Variants in CTNND2 observed in about 807,000 individuals in gnomAD.
CTNND2 encodes the protein catenin delta-2.
Under a neutral mutation model 144.4 loss-of-function variants are expected in CTNND2, and 22 were observed. The observed-to-expected ratio is 0.15, with a 90% CI of 0.11 to 0.22. The LOEUF (loss-of-function observed/expected upper bound fraction) is 0.22. Among genes scored for constraint, CTNND2 ranks in the 10% least tolerant of loss-of-function variants. The pLI is 1.00. For synonymous variants in CTNND2, 751 were observed against 695.6 expected (o/e 1.08, Z -1.25); for missense variants, 1,353 against 1,618.8 (o/e 0.84, Z 2.82).
At chr5:11,093,787 T>C (rs745616497) in intron 15 of CTNND2, among the ~76,000 whole-genome samples, 11 of 152,240 alleles carry the variant, frequency 7.2e-5, no homozygotes, top group Non-Finnish European at 1.6e-4. Context: ...CTATATGCTG[T>C]TGTGTATCCT....
chr5:11,886,658 C>T (rs1233096932), intron 1 of CTNND2, among the ~76,000 whole-genome samples: 9 of 152,036 alleles, frequency 5.9e-5, no homozygotes, highest in African/African-American at 2.2e-4. Flanking sequence ...AATCTAGCAA[C>T]CCTAACTATG....
At chr5:11,273,991 C>T (rs955086648) in intron 9 of CTNND2, among the ~76,000 whole-genome samples, 5 of 152,066 alleles carry the variant, frequency 3.3e-5, no homozygotes, top group Non-Finnish European at 5.9e-5. Context: ...GGTATTTATG[C>T]CTTCGCTTTT....
intron 2 of CTNND2, among the ~76,000 whole-genome samples, chr5:11,654,036 G>T (rs971681723): frequency 6.6e-6 from 1 of 151,996 alleles, no homozygotes; most frequent in Non-Finnish European, 1.5e-5. Context: ...CTTTGTCAAA[G>T]ACTAGTTGAC....
chr5:11,792,018 T>A (rs1791157990), intron 1 of CTNND2, among the ~76,000 whole-genome samples: 1 of 152,220 alleles, frequency 6.6e-6, no homozygotes, highest in Non-Finnish European at 1.5e-5. Context: ...ATAGAATTAA[T>A]TGACTTGCTG....
rs560557668 is a variant in CTNND2 at position 11,748,764 on chromosome 5, G to A, written c.38-16492C>T. On this transcript the variant is annotated intron_variant, in intron 1 of 21. Coordinates refer to ENST00000304623, the MANE Select transcript of CTNND2 (RefSeq NM_001332.4). ...TTTGTTACTATCTCTGTTGGGTTGA[G>A]TTTGGGAGTATGTGATAATTTTCAA... Among the ~76,000 whole-genome samples, 16 of 152,110 alleles carry A rather than the reference G, an allele frequency of 1.1e-4. No homozygotes were observed. The South Asian group carries it at 3.3e-3, about 32-fold the overall frequency.
intron 3 of CTNND2, among the ~76,000 whole-genome samples, chr5:11,477,776 T>A (rs1767895000): frequency 6.6e-6 from 1 of 152,172 alleles, no homozygotes; most frequent in African/African-American, 2.4e-5. Context: ...ATGGTTACAA[T>A]AATCTATGAG....
intron 2 of CTNND2, among the ~76,000 whole-genome samples, chr5:11,644,111 T>C (rs1483005464): frequency 1.3e-5 from 2 of 152,134 alleles, no homozygotes; most frequent in Non-Finnish European, 2.9e-5. Context: ...ACTTTATTAC[T>C]TTTGGCTGTT....
chr5:11,350,123 C>A (rs1755177320), intron 8 of CTNND2, among the ~76,000 whole-genome samples: 1 of 151,810 alleles, frequency 6.6e-6, no homozygotes, highest in Non-Finnish European at 1.5e-5. Context: ...GGTGGCAGAG[C>A]AAGACTCCAT....
chr5:11,185,716 T>C (rs1735560141), intron 11 of CTNND2, among the ~76,000 whole-genome samples: 4 of 152,204 alleles, frequency 2.6e-5, no homozygotes, highest in Admixed American at 2.6e-4. Context: ...AGGAAGTTTA[T>C]TTCAAACGTT....
chr5:11,411,541 C>A lies in CTNND2; in HGVS notation c.434G>T (p.Gly145Val). 6.4e-7 allele frequency: 1 copy of A among 1,564,532 alleles called. No individual in the cohort carries two copies. The highest frequency in any genetic ancestry group is 2.2e-5 in the East Asian group (1 of 44,572). ...GILDPQDYSTGERPSLLSQSA... is the reference protein window; with the variant it reads ...GILDPQDYSTVERPSLLSQSA... ...ATAACTGCCACGTGACTTACTTTCA[C>A]CTGTAGAATAATCCTGTGGGTCAAG... The change falls in exon 5 of 22, where the codon GGT (glycine) becomes GTT (valine). Residue 145 changes from glycine (G) to valine (V), a missense_variant. Around this residue, in one of 4 missense-constraint regions of CTNND2, gnomAD observed 708 missense variants for 706.4 expected, o/e 1.00. Coordinates refer to ENST00000304623, the MANE Select transcript of CTNND2 (RefSeq NM_001332.4).
chr5:11,596,390 A>T, intron 2 of CTNND2, among the ~76,000 whole-genome samples: 1 of 152,198 alleles, frequency 6.6e-6, no homozygotes, highest in East Asian at 1.9e-4. Flanking sequence ...GGCTGGGCTT[A>T]GGTATTATGT....
intron 6 of CTNND2, among the ~76,000 whole-genome samples, chr5:11,395,638 T>C (rs1044936945): frequency 2.6e-5 from 4 of 152,240 alleles, no homozygotes; most frequent in Non-Finnish European, 4.4e-5. Context: ...TTTATCTCAA[T>C]GGAATGTTTT....
intron 11 of CTNND2, among the ~76,000 whole-genome samples, chr5:11,164,970 A>G (rs1759157867): frequency 6.6e-6 from 1 of 152,202 alleles, no homozygotes; most frequent in South Asian, 2.1e-4. Context: ...TGCCCTGACA[A>G]ACATGAACCA....
intron 2 of CTNND2, among the ~76,000 whole-genome samples, chr5:11,570,785 A>G (rs1777494705): frequency 2.0e-5 from 3 of 152,014 alleles, no homozygotes; most frequent in Non-Finnish European, 4.4e-5. Context: ...TCGATCAAAA[A>G]CCTATTGTTT....
intron 3 of CTNND2, among the ~76,000 whole-genome samples, chr5:11,520,216 T>G (rs1414143906): frequency 6.6e-6 from 1 of 152,146 alleles, no homozygotes. Context: ...GGATCTCTTT[T>G]GCAGTAAGGC....
intron 12 of CTNND2, among the ~76,000 whole-genome samples, chr5:11,127,965 C>T (rs1251396323): frequency 6.6e-6 from 1 of 151,572 alleles, no homozygotes; most frequent in African/African-American, 2.4e-5. Flanking sequence ...AGAGAACAGC[C>T]CCTCCAAGAG....
rs930408088 is a variant in CTNND2, at chr5:11,903,739, C to A, written c.37+78G>T. 5.0e-6 allele frequency: 7 copies of A among 1,402,364 alleles called. No individual in the cohort carries two copies. The allele number at this position is 1,402,364 out of a possible 1,614,324, so 86.9% of individuals were successfully genotyped here. A position where few individuals can be genotyped will look rare whatever the true frequency, so the allele number is the denominator to read the frequency against. ...TGCCGGCCGGGAGCCCAGGACCACC[C>A]CCACCAGCGGCAAGAGGAGGAGGAC... On this transcript the variant is annotated intron_variant, in intron 1 of 21. Coordinates refer to ENST00000304623, the MANE Select transcript of CTNND2 (RefSeq NM_001332.4). This position sits in a 1 kb window ranked among gnomAD's most constrained non-coding sequence, Gnocchi z 5.4.
intron 16 of CTNND2, among the ~76,000 whole-genome samples, chr5:11,034,974 A>C (rs1303590263): frequency 4.0e-5 from 6 of 149,370 alleles, no homozygotes; most frequent in South Asian, 2.2e-4. Context: ...TGCACCCACT[A>C]ACTCGTCATC....
chr5:11,541,410 C>T (rs769113579), intron 3 of CTNND2, among the ~76,000 whole-genome samples: 1 of 152,168 alleles, frequency 6.6e-6, no homozygotes, highest in Non-Finnish European at 1.5e-5. Context: ...TTTCCAAGGT[C>T]ATCACAATCT....
Sources: gnomAD v4.1 joint callset for allele counts (sites outside exome capture counted in the v4.1 genomes callset) on GRCh38, gnomAD v4.1.1 for gene constraint, gnomAD v4.1.1 regional missense constraint, Gnocchi (gnomAD v3.1) non-coding constraint, MANE v1.5 for transcripts, NCBI Gene and HGNC (gene_info 2026-07-23, HGNC 2026-07-21) for gene names.